The following PPP2R2A variants were observed in gnomAD, a reference collection of about 807,000 sequenced individuals.
PPP2R2A encodes the protein protein phosphatase 2 regulatory subunit Balpha.
A neutral mutation model predicts 53.2 loss-of-function variants in PPP2R2A; 9 were observed. That is an observed-to-expected ratio of 0.17 (90% CI 0.10 to 0.30). PPP2R2A has a LOEUF of 0.30. Ranked by LOEUF, PPP2R2A falls within the 10% of genes least tolerant of loss-of-function variation. PPP2R2A has a pLI of 1.00. For missense variants in PPP2R2A, 235 were observed against 534.6 expected, an observed-to-expected ratio of 0.44 and a Z score of 5.53; for synonymous variants, 169 against 174.2, an observed-to-expected ratio of 0.97 and a Z score of 0.23.
intron 3 of PPP2R2A, among the ~76,000 whole-genome samples, chr8:26,346,573 G>A (rs7012604): frequency 0.75 from 113,757 of 152,228 alleles, 42,935 homozygotes; most frequent in East Asian, 0.88. Flanking sequence ...GATGAACTCT[G>A]CTAGTCTTTC....
chr8:26,338,975 A>G lies in PPP2R2A; in HGVS notation c.168A>G (p.Gln56=). The G allele has an allele frequency of 6.2e-7, 1 of 1,601,854 alleles. No individual in the cohort carries two copies. Among genetic ancestry groups the G allele is most frequent in the Middle Eastern group, 1.7e-4 (1 of 6,032 alleles). Residue 56 remains glutamine (Q), a synonymous_variant, in exon 3 of 10, where the codon CAA becomes CAG. Transcript: ENST00000380737. This position sits in a 1 kb window ranked among gnomAD's most constrained non-coding sequence, Gnocchi z 4.5. Reference sequence around the variant, plus strand: ...AAGGTGGTAGAGTTGTCATCTTTCAACAGGAGCAGGAGGTAAGTGTTTAAA... The same window carrying G: ...AAGGTGGTAGAGTTGTCATCTTTCAGCAGGAGCAGGAGGTAAGTGTTTAAA... The part of the protein sequence containing the change: ...GDKGGRVVIF[Q]QEQENKIQSH...
At chr8:26,363,565 G>T (rs1805226046) in intron 7 of PPP2R2A, 156 bp from the exon 8 acceptor site, 1 of 611,530 alleles carries the variant, frequency 1.6e-6, no homozygotes, top group Non-Finnish European at 2.6e-6. Context: ...AAGCTTTCAG[G>T]AGAATTCTAG....
intron 2 of PPP2R2A, among the ~76,000 whole-genome samples, chr8:26,294,336 G>A (rs1012289494): frequency 1.3e-5 from 2 of 152,154 alleles, no homozygotes; most frequent in Non-Finnish European, 2.9e-5. Context: ...TTTAGGAATC[G>A]TATATTCTTG....
Position 26,346,662 on chromosome 8 carries a change from ATC to A in PPP2R2A, c.180+7681_180+7682del, listed in dbSNP as rs1238340325. On this transcript the variant is annotated intron_variant, in intron 3 of 9. Transcript: ENST00000380737. ...ATTGAAATTGGGTTCTTTCTCAAAT[ATC>A]TCTCTATAGCCTTTCAGAGTAAATA... is the stretch of plus-strand genomic sequence containing the variant. 3.9e-5 allele frequency among the ~76,000 whole-genome samples: 6 copies of A among 152,314 alleles called. No homozygotes were observed. The South Asian group carries it at 1.0e-3, about 26-fold the overall frequency.
At chr8:26,308,738 A>G (rs1352108137) in intron 2 of PPP2R2A, among the ~76,000 whole-genome samples, 2 of 152,150 alleles carry the variant, frequency 1.3e-5, no homozygotes. Context: ...ACATCCTCCC[A>G]TGAATCATGG....
rs550442261 is a variant in PPP2R2A at position 26,361,961 on chromosome 8, C to CA, written c.638-717dup. Among the ~76,000 whole-genome samples the CA allele has an allele frequency of 4.5e-3, 669 of 147,692 alleles. 8 individuals are homozygous for CA. Among genetic ancestry groups the CA allele is most frequent in the African/African-American group, 0.015 (598 of 40,338 alleles). ...GGGCAACAAGAGTGAAACTCTGTCT[C>CA]AAAAAATATATATATATAGATTTAT... is the stretch of plus-strand genomic sequence containing the variant. On this transcript the variant is annotated intron_variant, in intron 6 of 9. Transcript: ENST00000380737.
At chr8:26,332,471 A>G (rs887138780) in intron 2 of PPP2R2A, among the ~76,000 whole-genome samples, 2 of 147,570 alleles carry the variant, frequency 1.4e-5, no homozygotes, top group Non-Finnish European at 3.0e-5. Flanking sequence ...CTTTATTTTT[A>G]TTTTTTTAAA....
intron 2 of PPP2R2A, among the ~76,000 whole-genome samples, chr8:26,297,933 T>C (rs1801613244): frequency 6.6e-6 from 1 of 152,138 alleles, no homozygotes; most frequent in African/African-American, 2.4e-5. Flanking sequence ...CACTAGTAAA[T>C]TACAAAATAC....
At chr8:26,297,725 C>T (rs1208461957) in intron 2 of PPP2R2A, among the ~76,000 whole-genome samples, 1 of 152,070 alleles carries the variant, frequency 6.6e-6, no homozygotes, top group Non-Finnish European at 1.5e-5. Context: ...AGTTTATACA[C>T]ATAAAACAGA....
chr8:26,308,578 A>C (rs1338018244), intron 2 of PPP2R2A, among the ~76,000 whole-genome samples: 1 of 152,240 alleles, frequency 6.6e-6, no homozygotes, highest in Admixed American at 6.5e-5. Flanking sequence ...TTGGACCAAT[A>C]CATCTTTAGG....
rs1169211354 is a variant in PPP2R2A at position 26,362,325 on chromosome 8, T to C, written c.638-359T>C. On this transcript the variant is annotated intron_variant, in intron 6 of 9. Coordinates refer to ENST00000380737, the MANE Select transcript of PPP2R2A (RefSeq NM_002717.4). This position sits in a 1 kb window ranked among gnomAD's most constrained non-coding sequence, Gnocchi z 4.4. ...GCCTGGCCAACATAGTGAAACCCCG[T>C]CTCTACTAAAAATACAAAAAAAAAA... Among the ~76,000 whole-genome samples the C allele has an allele frequency of 6.7e-6, 1 of 149,452 alleles. No homozygotes were observed. Among genetic ancestry groups the C allele is most frequent in the Non-Finnish European group, 1.5e-5 (1 of 67,446 alleles).
chr8:26,370,526 A>C lies in PPP2R2A; in HGVS notation c.*113A>C. The C allele has an allele frequency of 8.2e-7, 1 of 1,220,458 alleles. No homozygotes were observed. The highest frequency in any genetic ancestry group is 1.2e-6 in the Non-Finnish European group (1 of 869,496). The allele number at this position is 1,220,458 out of a possible 1,614,324, so 75.6% of individuals were successfully genotyped here. On this transcript the variant is annotated 3_prime_UTR_variant, in exon 10 of 10. Coordinates refer to ENST00000380737, the MANE Select transcript of PPP2R2A (RefSeq NM_002717.4). The surrounding 1 kb of genome is among the most constrained non-coding windows in gnomAD (Gnocchi z 6.1). The stretch of plus-strand genomic sequence containing the variant: ...TTGTGGCGCCCCTTTCCAGTGTTTG[A>C]CAGTGTGCCATTCGACAACACATTG...
At chr8:26,301,853 T>A (rs1371921494) in intron 2 of PPP2R2A, among the ~76,000 whole-genome samples, 1 of 152,160 alleles carries the variant, frequency 6.6e-6, no homozygotes, top group African/African-American at 2.4e-5. Context: ...GCAGAAGCCA[T>A]CTTAGCATGA....
Position 26,360,597 on chromosome 8 carries a change from A to T in PPP2R2A, c.459+316A>T, listed in dbSNP as rs979192009. On this transcript the variant is annotated intron_variant, in intron 5 of 9. Transcript: ENST00000380737. This position sits in a 1 kb window ranked among gnomAD's most constrained non-coding sequence, Gnocchi z 4.5. ...AATTTTCTTTGGAAATCAAAAAAGT[A>T]GATACAGATCAAATCTTCTAGTTGT... 1.1e-5 allele frequency: 3 copies of T among 283,978 alleles called. No homozygotes were observed. The South Asian group carries it at 2.8e-4, about 27-fold the overall frequency. The allele number at this position is 283,978 out of a possible 1,614,324, so 17.6% of individuals were successfully genotyped here.
Position 26,371,641 on chromosome 8 carries a change from T to C in PPP2R2A, c.*1228T>C, listed in dbSNP as rs1191178029. 2.0e-5 allele frequency: 3 copies of C among 152,310 alleles called. No individual in the cohort carries two copies. Among genetic ancestry groups the C allele is most frequent in the Admixed American group, 6.5e-5 (1 of 15,296 alleles). The allele number at this position is 152,310 out of a possible 1,614,324, so 9.4% of individuals were successfully genotyped here. A position where few individuals can be genotyped will look rare whatever the true frequency, so the allele number is the denominator to read the frequency against. ...TTTTTTGTATTTTACTGCTATCAAATCAGAATGAAATATACTTTACCATAG... is the reference window on the plus strand; with the variant it reads ...TTTTTTGTATTTTACTGCTATCAAACCAGAATGAAATATACTTTACCATAG... On this transcript the variant is annotated 3_prime_UTR_variant, in exon 10 of 10. Coordinates refer to ENST00000380737, the MANE Select transcript of PPP2R2A (RefSeq NM_002717.4).
intron 3 of PPP2R2A, among the ~76,000 whole-genome samples, chr8:26,340,329 C>T (rs1164624364): frequency 1.3e-5 from 2 of 151,806 alleles, no homozygotes; most frequent in Non-Finnish European, 2.9e-5. Flanking sequence ...TTTGACATGT[C>T]GTTTTTCAGT....
chr8:26,367,553 C>A (rs980606344), intron 9 of PPP2R2A, among the ~76,000 whole-genome samples: 1 of 152,168 alleles, frequency 6.6e-6, no homozygotes, highest in African/African-American at 2.4e-5. Context: ...GTTCCCCTGT[C>A]GCTGTTTGCT....
At chr8:26,315,243 G>C (rs1426365954) in intron 2 of PPP2R2A, among the ~76,000 whole-genome samples, 1 of 152,096 alleles carries the variant, frequency 6.6e-6, no homozygotes, top group Non-Finnish European at 1.5e-5. Flanking sequence ...TAGGAGCTTT[G>C]TGTCCACTGG....
At chr8:26,333,534 G>T in intron 2 of PPP2R2A, 4 of 1,214,614 alleles carry the variant, frequency 3.3e-6, no homozygotes, top group Non-Finnish European at 2.1e-6. Flanking sequence ...AAATCAAAGA[G>T]TGACTCCATA....
Sources: gnomAD v4.1 joint callset for allele counts (sites outside exome capture counted in the v4.1 genomes callset) on GRCh38, gnomAD v4.1.1 for gene constraint, Gnocchi (gnomAD v3.1) non-coding constraint, MANE v1.5 for transcripts, NCBI Gene and HGNC (gene_info 2026-07-23, HGNC 2026-07-21) for gene names.